The following DYSF variants were observed in gnomAD, a reference collection of about 807,000 sequenced individuals.
DYSF encodes dystrophy-associated fer-1-like 1.
A neutral mutation model predicts 274.9 loss-of-function variants in DYSF; 212 were observed. The observed-to-expected ratio is 0.77, with a 90% confidence interval of 0.69 to 0.86. DYSF has a LOEUF of 0.86. DYSF is among the 40% of genes least tolerant of loss of function. The pLI is 0.00. For synonymous variants in DYSF, 1,091 were observed against 1,078.7 expected (o/e 1.01, Z -0.22); for missense variants, 2,666 against 2,783.2 (o/e 0.96, Z 0.95).
chr2:71,593,951 A>T (rs2093341701), intron 32 of DYSF, among the ~76,000 whole-genome samples: 2 of 152,206 alleles, frequency 1.3e-5, no homozygotes, highest in Admixed American at 1.3e-4. Flanking sequence ...ATGCCACGTC[A>T]TTTATTAATT....
Position 71,466,813 on chromosome 2 carries a change from G to A in DYSF, c.-30G>A, listed in dbSNP as rs61333801. The stretch of plus-strand genomic sequence containing the variant: ...GTGCTCCCGCTCCCGCCCTGACTGC[G>A]CGCCTGTGTGCCGCCGGGGCTGCCC... On this transcript the variant is annotated 5_prime_UTR_variant, in exon 1 of 56. Transcript: ENST00000410020. The A allele has an allele frequency of 0.18, 275,390 of 1,496,822 alleles. 27,172 individuals carry two copies. Among genetic ancestry groups the A allele is most frequent in the East Asian group, 0.43 (16,616 of 38,924 alleles). The allele number at this position is 1,496,822 out of a possible 1,614,324, so 92.7% of individuals were successfully genotyped here.
intron 4 of DYSF, among the ~76,000 whole-genome samples, chr2:71,505,210 C>T (rs1018023331): frequency 6.6e-6 from 1 of 152,196 alleles, no homozygotes. Flanking sequence ...TCATATGTCC[C>T]TTTGGGCTGG....
At chr2:71,656,127 C>A (rs771981541) in intron 42 of DYSF, 35 bp from the exon 43 acceptor site, 1 of 1,613,726 alleles carries the variant, frequency 6.2e-7, no homozygotes, top group Admixed American at 1.7e-5. Context: ...TTCTTTCTGT[C>A]TCTTGTCCCC....
intron 1 of DYSF, among the ~76,000 whole-genome samples, chr2:71,457,543 C>T (rs181682037): frequency 1.6e-4 from 25 of 152,282 alleles, no homozygotes; most frequent in African/African-American, 5.3e-4. Flanking sequence ...ATGCCCCCCT[C>T]GGTCTGCACC....
Position 71,574,300 on chromosome 2 carries a change from C to T in DYSF, c.3331C>T (p.Arg1111Cys), listed in dbSNP as rs372817333. The change falls in exon 30 of 56, where the codon CGC becomes TGC. Residue 1111 changes from arginine (R) to cysteine (C), a missense_variant. By Grantham distance (180) the Arg-to-Cys change is radical. Transcript: ENST00000410020. ...CAAGACAGATGCCTTCCGCCGCCGC[C>T]GCTGGCGCCGTCGCATGGAGCCACT... ...YRKTDAFRRR[R>C]WRRRMEPLEK... 138 of 1,613,990 alleles carry T rather than the reference C, an allele frequency of 8.6e-5. 1 individual carries two copies. The highest frequency in any genetic ancestry group is 1.1e-4 in the Non-Finnish European group (132 of 1,180,008).
Position 71,566,353 on chromosome 2 carries a change from CAAAAAAAAAAA to C in DYSF, c.2566-1584_2566-1574del, listed in dbSNP as rs773800974. 8.0e-5 allele frequency among the ~76,000 whole-genome samples: 4 copies of C among 49,802 alleles called. No homozygotes were observed. The Admixed American group carries it at 9.5e-4, about 12-fold the overall frequency. The allele number at this position is 49,802 out of a possible 152,430, so 32.7% of individuals were successfully genotyped here. On this transcript the variant is annotated intron_variant, in intron 24 of 55. Coordinates refer to ENST00000410020, the MANE Select transcript of DYSF (RefSeq NM_001130987.2). ...ACTGAAAATTTTCCCTGGTTTCAAG[CAAAAAAAAAAA>C]AAAAAAAAAAAAAGATATAGAATTG...
At chr2:71,588,006 C>T (rs2093129345) in intron 30 of DYSF, among the ~76,000 whole-genome samples, 1 of 152,170 alleles carries the variant, frequency 6.6e-6, no homozygotes, top group African/African-American at 2.4e-5. Flanking sequence ...CCAGAGTGAC[C>T]AGGGCAGGCT....
intron 36 of DYSF, among the ~76,000 whole-genome samples, chr2:71,609,789 T>C (rs2093714133): frequency 6.6e-6 from 1 of 152,160 alleles, no homozygotes; most frequent in Non-Finnish European, 1.5e-5. Context: ...GTGAAGTGAT[T>C]CATGGAGGTG....
At chr2:71,657,978 C>T (rs1245356442) in intron 43 of DYSF, among the ~76,000 whole-genome samples, 1 of 152,128 alleles carries the variant, frequency 6.6e-6, no homozygotes, top group African/African-American at 2.4e-5. Context: ...AATTTCTTCT[C>T]AAAAAATGGG....
rs780606842 is a variant in DYSF at position 71,513,778 on chromosome 2, C to T, written c.616C>T (p.Leu206=). 5 of 1,614,094 alleles carry T rather than the reference C, an allele frequency of 3.1e-6. No individual in the cohort carries two copies. Among genetic ancestry groups the T allele is most frequent in the Admixed American group, 1.7e-5 (1 of 60,010 alleles). ...GLTGDEAEPF[L]DQSGGPGAPT... ...CACTGGAGATGAGGCGGAGCCATTCCTGGATCAAAGCGGAGGCCCGGGGGC... is the reference window on the plus strand; with the variant it reads ...CACTGGAGATGAGGCGGAGCCATTCTTGGATCAAAGCGGAGGCCCGGGGGC... The change falls in exon 7 of 56, where the codon CTG becomes TTG. Residue 206 remains leucine, a synonymous_variant. Transcript: ENST00000410020.
At chr2:71,614,854 A>T (rs1007040634) in intron 40 of DYSF, among the ~76,000 whole-genome samples, 3 of 152,154 alleles carry the variant, frequency 2.0e-5, no homozygotes, top group Non-Finnish European at 4.4e-5. Flanking sequence ...TGGCTGGGGA[A>T]ACCCAAATGG....
chr2:71,494,827 T>A (rs2084214637), intron 3 of DYSF, among the ~76,000 whole-genome samples: 1 of 152,258 alleles, frequency 6.6e-6, no homozygotes, highest in South Asian at 2.1e-4. Context: ...GGCTGGATTA[T>A]TCATTAGAAA....
chr2:71,686,536 C>T lies in DYSF; in HGVS notation c.*44C>T. On this transcript the variant is annotated 3_prime_UTR_variant, in exon 56 of 56. Transcript: ENST00000410020. ...GAAGGGGCCGTGGGGTCCCCTCCAG[C>T]ATGGGACTGGCCTGCCTCCTCCGCC... 9.3e-6 allele frequency: 15 copies of T among 1,611,302 alleles called. No homozygotes were observed. The highest frequency in any genetic ancestry group is 1.3e-5 in the Non-Finnish European group (15 of 1,177,902).
At chr2:71,613,082 A>G (rs180998745) in intron 39 of DYSF, among the ~76,000 whole-genome samples, 381 of 152,102 alleles carry the variant, frequency 2.5e-3, no homozygotes, top group African/African-American at 8.3e-3. Context: ...CAGGGAGACA[A>G]TGATGCGGGG....
intron 3 of DYSF, 75 bp downstream of exon 3, chr2:71,482,045 C>T: frequency 3.3e-6 from 4 of 1,209,556 alleles, no homozygotes; most frequent in Non-Finnish European, 4.9e-6. Context: ...ACTGCAGAAT[C>T]CCAGGCCCCA....
At chr2:71,662,299 C>T (rs1219433711) in intron 45 of DYSF, among the ~76,000 whole-genome samples, 1 of 152,192 alleles carries the variant, frequency 6.6e-6, no homozygotes, top group Non-Finnish European at 1.5e-5. Flanking sequence ...TCACATTGAG[C>T]TCAGCCACTT....
chr2:71,491,331 C>G (rs947393773), intron 3 of DYSF, among the ~76,000 whole-genome samples: 4 of 152,154 alleles, frequency 2.6e-5, no homozygotes, highest in Non-Finnish European at 5.9e-5. Context: ...AAACTTTTTT[C>G]TCTCTGCTTC....
At chr2:71,554,980 C>A (rs1331808842) in intron 21 of DYSF, among the ~76,000 whole-genome samples, 1 of 152,170 alleles carries the variant, frequency 6.6e-6, no homozygotes, top group African/African-American at 2.4e-5. Flanking sequence ...TGTGCAGGCC[C>A]TACTGCAGGA....
At chr2:71,572,806 G>A (rs968403576) in intron 29 of DYSF, among the ~76,000 whole-genome samples, 4 of 152,164 alleles carry the variant, frequency 2.6e-5, no homozygotes, top group Non-Finnish European at 5.9e-5. Flanking sequence ...GGGAGCTGTC[G>A]ATGCTGATGG....
Sources: gnomAD v4.1 joint callset for allele counts (sites outside exome capture counted in the v4.1 genomes callset) on GRCh38, gnomAD v4.1.1 for gene constraint, MANE v1.5 for transcripts, NCBI Gene and HGNC (gene_info 2026-07-23, HGNC 2026-07-21) for gene names.